SVEP1: variants seen among roughly 807,000 people sequenced by gnomAD.
The protein encoded by SVEP1 is sushi, von Willebrand factor type A, EGF and pentraxin domain-containing protein 1.
In SVEP1, 164 loss-of-function variants were observed where a neutral mutation model predicts 367.3. The ratio of observed to expected loss-of-function variants is 0.45; its 90% confidence interval spans 0.39 to 0.51. The LOEUF (loss-of-function observed/expected upper bound fraction) is 0.51. Ranked by LOEUF, SVEP1 falls within the 20% of genes least tolerant of loss-of-function variation. SVEP1 has a pLI of 0.00. For synonymous variants in SVEP1, 1,666 were observed against 1,611.6 expected, an observed-to-expected ratio of 1.03 and a Z score of -0.81; for missense variants, 4,117 against 4,425.3, an observed-to-expected ratio of 0.93 and a Z score of 1.98.
chr9:110,432,636 C>CT lies in SVEP1; in HGVS notation c.5060-2dup, dbSNP rs770558651. On this transcript the variant is annotated splice_acceptor_variant, in intron 30 of 47. Transcript: ENST00000374469. LOFTEE classifies it high-confidence loss of function. ...GGAGGTGGCACCCCACAGCTAATGC[C>CT]TGTAAGGTGACCAGGAAGAAGACAA... 39 of 1,597,406 alleles carry CT rather than the reference C, an allele frequency of 2.4e-5. No homozygotes were observed. In the East Asian group the frequency reaches 6.3e-4, roughly 26 times the overall value.
chr9:110,392,016 C>T (rs1215674471), intron 40 of SVEP1, among the ~76,000 whole-genome samples: 3 of 151,686 alleles, frequency 2.0e-5, no homozygotes, highest in Non-Finnish European at 4.4e-5. Context: ...ATCAGCTCAC[C>T]TAGTTCTCAG....
chr9:110,370,106 C>T lies in SVEP1; in HGVS notation c.10601-90G>A, dbSNP rs1302998075. ...GCACGTAGGATAAGATTTGACTCTA[C>T]TTCCTGCAGCAGCCACTGCTGGTCT... On this transcript the variant is annotated intron_variant, in intron 46 of 47. Coordinates refer to ENST00000374469, the MANE Select transcript of SVEP1 (RefSeq NM_153366.4). 6.0e-6 allele frequency: 7 copies of T among 1,163,898 alleles called. No individual in the cohort carries two copies. The African/African-American group carries it at 1.1e-4, about 18-fold the overall frequency. The allele number at this position is 1,163,898 out of a possible 1,614,324, so 72.1% of individuals were successfully genotyped here. A position where few individuals can be genotyped will look rare whatever the true frequency, so the allele number is the denominator to read the frequency against.
At position 110,406,996 on chromosome 9, in the gene SVEP1, G is replaced by A. The variant is rs1827965934; in HGVS notation, c.8604C>T (p.Ala2868=). 6.2e-7 allele frequency: 1 copy of A among 1,613,782 alleles called. No homozygotes were observed. The highest frequency in any genetic ancestry group is 1.3e-5 in the African/African-American group (1 of 74,868). Residue 2868 remains alanine, a synonymous_variant, in exon 38 of 48, where the codon GCC becomes GCT. Transcript: ENST00000374469. ...CATTGGCAAGACAAACCCGACTCCTGGCTCCCTCAAGCAAGAACCCTTCAT... is the reference window on the plus strand; with the variant it reads ...CATTGGCAAGACAAACCCGACTCCTAGCTCCCTCAAGCAAGAACCCTTCAT... The part of the protein sequence containing the change: ...TCNEGFLLEG[A]RSRVCLANGS...
In SVEP1 at chr9:110,404,375, T is replaced by C. The variant is rs780965399; in HGVS notation, c.9618A>G (p.Ser3206=). 1.2e-6 allele frequency: 2 copies of C among 1,614,008 alleles called. No individual in the cohort carries two copies. Among genetic ancestry groups the C allele is most frequent in the Non-Finnish European group, 1.7e-6 (2 of 1,179,888 alleles). Residue 3206 remains serine (S), a synonymous_variant, in exon 39 of 48, where the codon TCA becomes TCG. Transcript: ENST00000374469. ...DFSVNRQVSV[S]CAEGYTFEGV... is the part of the protein sequence containing the mutation. The stretch of plus-strand genomic sequence containing the variant: ...CCTCAAAGGTATACCCTTCTGCACA[T>C]GACACAGAAACTTGCCTATTCACAC...
At chr9:110,482,574 T>C (rs1340524531) in intron 10 of SVEP1, 82 bp from the exon 11 acceptor site, 3 of 1,469,314 alleles carry the variant, frequency 2.0e-6, no homozygotes, top group Non-Finnish European at 2.7e-6. Context: ...TTGCCCAGGC[T>C]GGAGTGCAAT....
chr9:110,404,238 T>C, intron 39 of SVEP1, 89 bp downstream of exon 39: 1 of 1,275,644 alleles, frequency 7.8e-7, no homozygotes, highest in Non-Finnish European at 1.1e-6. Context: ...GACTTTTTTT[T>C]CTTTTTGGGA....
chr9:110,435,329 G>C lies in SVEP1; in HGVS notation c.4800C>G (p.Leu1600=). ...GCCATGCTAACACGTTTCCTTTACT[G>C]AGTTCCTCTGGGCAGGAGGTAGCCA... ...KSLATSCPEE[L]SKGNVLAWPD... The change falls in exon 29 of 48, where the codon CTC becomes CTG. Residue 1600 remains leucine (L), a synonymous_variant. Transcript: ENST00000374469. 1.2e-6 allele frequency: 2 copies of C among 1,613,540 alleles called. 1 individual carries two copies. Among genetic ancestry groups the C allele is most frequent in the Non-Finnish European group, 1.7e-6 (2 of 1,179,564 alleles).
chr9:110,531,508 G>A (rs1321168171), intron 3 of SVEP1, among the ~76,000 whole-genome samples: 2 of 152,110 alleles, frequency 1.3e-5, no homozygotes, highest in Non-Finnish European at 2.9e-5. Context: ...CCCTGCATTT[G>A]CTCAGCACTT....
intron 3 of SVEP1, among the ~76,000 whole-genome samples, chr9:110,533,746 C>A: frequency 6.6e-6 from 1 of 152,160 alleles, no homozygotes; most frequent in East Asian, 1.9e-4. Context: ...CTATCATTTT[C>A]AAATTGCTAA....
At position 110,406,499 on chromosome 9, in the gene SVEP1, T is replaced by TA; in HGVS notation, c.9100_9101insT (p.Lys3034IlefsTer10). On this transcript the variant is annotated frameshift_variant, in exon 38 of 48. Coordinates refer to ENST00000374469, the MANE Select transcript of SVEP1 (RefSeq NM_153366.4). LOFTEE classifies it high-confidence loss of function. ...AGAAAGTCCTAGGAGCTTGAAGCCTTTGAAGCACTGAATCCGGGCTGCCTT... is the reference window on the plus strand; with the variant it reads ...AGAAAGTCCTAGGAGCTTGAAGCCTTATGAAGCACTGAATCCGGGCTGCCTT... 1 of 1,613,822 alleles carries TA rather than the reference T, an allele frequency of 6.2e-7. No homozygotes were observed. The highest frequency in any genetic ancestry group is 8.5e-7 in the Non-Finnish European group (1 of 1,179,866).
intron 1 of SVEP1, among the ~76,000 whole-genome samples, chr9:110,558,189 G>T (rs1043134196): frequency 8.6e-5 from 13 of 151,952 alleles, no homozygotes; most frequent in Non-Finnish European, 1.9e-4. Flanking sequence ...GGAAGAGTAT[G>T]TAATTTAATA....
chr9:110,559,392 G>A (rs1171216523), intron 1 of SVEP1, among the ~76,000 whole-genome samples: 1 of 151,868 alleles, frequency 6.6e-6, no homozygotes, highest in East Asian at 1.9e-4. Context: ...AAAAATAACA[G>A]AAATACAGTT....
At chr9:110,390,387 A>ATATC (rs1827637124) in intron 40 of SVEP1, among the ~76,000 whole-genome samples, 1 of 111,356 alleles carries the variant, frequency 9.0e-6, no homozygotes, top group African/African-American at 4.2e-5. Context: ...ATATATATAT[A>ATATC]TACTTATATC....
intron 9 of SVEP1, among the ~76,000 whole-genome samples, chr9:110,488,727 A>T (rs1829323775): frequency 6.6e-6 from 1 of 151,920 alleles, no homozygotes; most frequent in Middle Eastern, 3.2e-3. Flanking sequence ...AAAACAAATT[A>T]GCTGGGTGTG....
At chr9:110,572,326 T>C (rs1422337133) in intron 1 of SVEP1, among the ~76,000 whole-genome samples, 1 of 152,208 alleles carries the variant, frequency 6.6e-6, no homozygotes, top group Admixed American at 6.5e-5. Flanking sequence ...GCTCTCTCCA[T>C]GTGTCTAAGC....
At chr9:110,526,310 A>G (rs1829939373) in intron 3 of SVEP1, among the ~76,000 whole-genome samples, 1 of 152,168 alleles carries the variant, frequency 6.6e-6, no homozygotes, top group Non-Finnish European at 1.5e-5. Flanking sequence ...TAGACTATAT[A>G]AAGAACTCTC....
chr9:110,452,185 T>C lies in SVEP1; in HGVS notation c.3788-783A>G, dbSNP rs375057230. Among the ~76,000 whole-genome samples, 131 of 152,164 alleles carry C rather than the reference T, an allele frequency of 8.6e-4. 2 individuals carry two copies. The East Asian group carries it at 0.019, about 22-fold the overall frequency. ...TTTTTTGAGAACAGTAAATCTAACA[T>C]AAAATCTACACTTTCATACAGACCA... On this transcript the variant is annotated intron_variant, in intron 22 of 47. Coordinates refer to ENST00000374469, the MANE Select transcript of SVEP1 (RefSeq NM_153366.4).
At chr9:110,384,484 C>A (rs1827490244) in intron 43 of SVEP1, among the ~76,000 whole-genome samples, 3 of 152,040 alleles carry the variant, frequency 2.0e-5, no homozygotes, top group Admixed American at 2.0e-4. Flanking sequence ...TTGAACCCCT[C>A]CCCGCAAAAT....
At position 110,490,337 on chromosome 9, in the gene SVEP1, T is replaced by C. The variant is rs1829349181; in HGVS notation, c.1801-558A>G. ...TTATCTTTTCTTTATGCTGGAACCT[T>C]TAAAATTCTTCTCTTCCAGCTATTT... On this transcript the variant is annotated intron_variant, in intron 8 of 47. Coordinates refer to ENST00000374469, the MANE Select transcript of SVEP1 (RefSeq NM_153366.4). Among the ~76,000 whole-genome samples the C allele has an allele frequency of 2.0e-5, 3 of 152,280 alleles. No individual in the cohort carries two copies. The South Asian group carries it at 6.2e-4, about 32-fold the overall frequency.
Sources: allele counts gnomAD v4.1 joint callset (sites outside exome capture counted in the v4.1 genomes callset), GRCh38; gene constraint gnomAD v4.1.1; transcripts MANE v1.5; gene names NCBI Gene and HGNC (gene_info 2026-07-23, HGNC 2026-07-21).